KDM4C: variants seen among roughly 807,000 people sequenced by gnomAD.
KDM4C encodes the protein lysine-specific demethylase 4C.
KDM4C carries 81 observed loss-of-function variants against 129.3 expected under a neutral mutation model. That is an observed-to-expected ratio of 0.63 (90% CI 0.52 to 0.75). KDM4C has a LOEUF of 0.75. Among genes scored for constraint, KDM4C ranks in the 30% least tolerant of loss-of-function variants. The pLI is 0.00. For synonymous variants in KDM4C, 573 were observed against 456.1 expected, an observed-to-expected ratio of 1.26 and a Z score of -3.26; for missense variants, 1,457 against 1,304.0, an observed-to-expected ratio of 1.12 and a Z score of -1.81.
intron 1 of KDM4C, among the ~76,000 whole-genome samples, chr9:6,776,222 C>G (rs1034238213): frequency 2.0e-5 from 3 of 152,140 alleles, no homozygotes; most frequent in African/African-American, 7.2e-5. Flanking sequence ...GTAGCTGGAA[C>G]TACAGGCTTT....
chr9:6,750,607 G>A (rs759457044), intron 1 of KDM4C, among the ~76,000 whole-genome samples: 1 of 152,196 alleles, frequency 6.6e-6, no homozygotes, highest in Non-Finnish European at 1.5e-5. Context: ...TTATAAAAAC[G>A]ATGATGCTAA....
At chr9:6,814,559 A>T in intron 3 of KDM4C, 72 bp from the exon 4 acceptor site, 2 of 916,550 alleles carry the variant, frequency 2.2e-6, no homozygotes, top group Non-Finnish European at 3.3e-6. Flanking sequence ...AAAGTGATTT[A>T]AATCAATTTG....
chr9:7,011,662 C>G (rs1230651679), intron 12 of KDM4C, 36 bp from the exon 13 acceptor site: 1 of 1,578,176 alleles, frequency 6.3e-7, no homozygotes, highest in East Asian at 2.2e-5. Flanking sequence ...TCCCTGGTTC[C>G]CATGCTCATG....
chr9:6,987,067 C>A (rs1391659305), intron 11 of KDM4C, among the ~76,000 whole-genome samples: 1 of 152,152 alleles, frequency 6.6e-6, no homozygotes, highest in African/African-American at 2.4e-5. Context: ...GACATTGATA[C>A]AGTAAAGATT....
chr9:7,162,750 G>A (rs1843932989), intron 19 of KDM4C, among the ~76,000 whole-genome samples: 1 of 152,012 alleles, frequency 6.6e-6, no homozygotes, highest in Non-Finnish European at 1.5e-5. Context: ...GATAAAGAAG[G>A]GGAGGCCGTA....
chr9:6,859,749 C>G lies in KDM4C; in HGVS notation c.629+10049C>G, dbSNP rs773157794. ...GGCGTGGTTGCAGGCGCCTGTAGTC[C>G]TAGCTACTCGGGAGGTGGGGCAAGA... On this transcript the variant is annotated intron_variant, in intron 5 of 21. Transcript: ENST00000381309. Among the ~76,000 whole-genome samples the G allele has an allele frequency of 1.9e-4, 29 of 151,422 alleles. 1 individual carries two copies. The highest frequency in any genetic ancestry group is 2.1e-4 in the South Asian group (1 of 4,796).
intron 1 of KDM4C, among the ~76,000 whole-genome samples, chr9:6,733,318 A>T (rs1202943952): frequency 1.3e-5 from 2 of 152,212 alleles, no homozygotes; most frequent in African/African-American, 4.8e-5. Context: ...AAAGGGGCTT[A>T]TTTCTGATGG....
intron 3 of KDM4C, among the ~76,000 whole-genome samples, chr9:6,807,332 C>T: frequency 6.7e-6 from 1 of 150,052 alleles, no homozygotes; most frequent in East Asian, 1.9e-4. Flanking sequence ...AGTGTCTCTG[C>T]CTGGCCGCCC....
intron 5 of KDM4C, among the ~76,000 whole-genome samples, chr9:6,876,389 C>T (rs767234767): frequency 1.3e-4 from 20 of 152,200 alleles, no homozygotes; most frequent in Admixed American, 4.6e-4. Flanking sequence ...ATGACTCAGT[C>T]GATCTGTTCC....
chr9:6,814,877 A>G (rs567090623), intron 4 of KDM4C, 132 bp downstream of exon 4: 2 of 472,420 alleles, frequency 4.2e-6, no homozygotes, highest in African/African-American at 4.0e-5. Context: ...ACAACAGGAA[A>G]TATTCATCAG....
intron 15 of KDM4C, 134 bp downstream of exon 15, chr9:7,016,063 C>G (rs1488229158): frequency 3.9e-6 from 2 of 513,426 alleles, no homozygotes; most frequent in African/African-American, 3.9e-5. Context: ...TGTTTCTAGT[C>G]TTCCCTCTCA....
chr9:6,964,643 G>T (rs556802578), intron 8 of KDM4C, among the ~76,000 whole-genome samples: 1 of 151,948 alleles, frequency 6.6e-6, no homozygotes, highest in African/African-American at 2.4e-5. Context: ...TTAGCCGGGT[G>T]TGGTGGTGGG....
intron 1 of KDM4C, among the ~76,000 whole-genome samples, chr9:6,751,775 C>A (rs2130306954): frequency 6.6e-6 from 1 of 152,120 alleles, no homozygotes; most frequent in South Asian, 2.1e-4. Flanking sequence ...AAGCTGCAGG[C>A]TGAAAATTGA....
At chr9:7,041,995 A>G (rs560815681) in intron 15 of KDM4C, among the ~76,000 whole-genome samples, 9 of 152,158 alleles carry the variant, frequency 5.9e-5, no homozygotes, top group African/African-American at 1.7e-4. Context: ...TCACAGATCC[A>G]TATTTTTTTG....
intron 8 of KDM4C, among the ~76,000 whole-genome samples, chr9:6,963,715 T>C (rs1830410805): frequency 6.6e-6 from 1 of 152,230 alleles, no homozygotes; most frequent in South Asian, 2.1e-4. Context: ...TGTCCTGTCC[T>C]GTGTCTTCCG....
intron 17 of KDM4C, among the ~76,000 whole-genome samples, chr9:7,092,076 A>C (rs1835871082): frequency 6.6e-6 from 1 of 152,168 alleles, no homozygotes; most frequent in Non-Finnish European, 1.5e-5. Context: ...TGCATTGGCA[A>C]ACTGAAAAGA....
intron 8 of KDM4C, among the ~76,000 whole-genome samples, chr9:6,975,422 T>C (rs901794498): frequency 2.8e-4 from 42 of 152,326 alleles, no homozygotes; most frequent in African/African-American, 9.9e-4. Flanking sequence ...GTATTAAATG[T>C]GGTTTTGTTT....
intron 19 of KDM4C, among the ~76,000 whole-genome samples, chr9:7,164,672 C>T (rs916947620): frequency 2.6e-5 from 4 of 152,320 alleles, no homozygotes; most frequent in Admixed American, 6.5e-5. Context: ...GCTTCAATCG[C>T]ACGCCATTTG....
intron 3 of KDM4C, among the ~76,000 whole-genome samples, chr9:6,813,864 T>C (rs1831606292): frequency 6.6e-6 from 1 of 152,324 alleles, no homozygotes; most frequent in South Asian, 2.1e-4. Flanking sequence ...TCACTGTGGA[T>C]AGAATTTGAT....
Sources: gnomAD v4.1 joint callset for allele counts (sites outside exome capture counted in the v4.1 genomes callset) on GRCh38, gnomAD v4.1.1 for gene constraint, MANE v1.5 for transcripts, NCBI Gene and HGNC (gene_info 2026-07-23, HGNC 2026-07-21) for gene names.